Variants in MTRF1 observed in about 807,000 individuals in gnomAD.
MTRF1 encodes peptide chain release factor 1, mitochondrial.
MTRF1 carries 51 observed loss-of-function variants against 62.9 expected under a neutral mutation model. The observed-to-expected ratio is 0.81, with a 90% CI of 0.65 to 1.02. MTRF1 has a LOEUF of 1.02. MTRF1 is among the 50% of genes least tolerant of loss of function. MTRF1 has a pLI of 0.00. For missense variants in MTRF1, 446 were observed against 530.0 expected (o/e 0.84, Z 1.56); for synonymous variants, 158 against 181.9 (o/e 0.87, Z 1.06).
the MTRF1 span, among the ~76,000 whole-genome samples, chr13:41,301,913 G>C: frequency 5.9e-5 from 9 of 152,288 alleles, no homozygotes; most frequent in Non-Finnish European, 1.3e-4. Context: ...TCTCTTCTCT[G>C]GTGGTTGATC....
the MTRF1 span, among the ~76,000 whole-genome samples, chr13:41,282,524 T>G: frequency 1.3e-5 from 2 of 152,202 alleles, no homozygotes; most frequent in South Asian, 4.1e-4. Context: ...TGATCATCAT[T>G]TCCCTAATTT....
At chr13:41,232,058 C>T (rs969808108) in intron 7 of MTRF1, among the ~76,000 whole-genome samples, 1 of 151,584 alleles carries the variant, frequency 6.6e-6, no homozygotes, top group Non-Finnish European at 1.5e-5. Context: ...GGGCAACAGG[C>T]CAAGGCCTTG....
chr13:41,293,347 T>A, the MTRF1 span, among the ~76,000 whole-genome samples: 1 of 152,218 alleles, frequency 6.6e-6, no homozygotes, highest in Non-Finnish European at 1.5e-5. Flanking sequence ...ATAAATAAGA[T>A]GATTTTAAAA....
chr13:41,307,345 G>T, the MTRF1 span, among the ~76,000 whole-genome samples: 1 of 151,972 alleles, frequency 6.6e-6, no homozygotes, highest in Non-Finnish European at 1.5e-5. Context: ...GTGTAGCACC[G>T]CTGGGCATTG....
At chr13:41,249,591 G>A (rs533586050) in intron 5 of MTRF1, among the ~76,000 whole-genome samples, 1 of 128,074 alleles carries the variant, frequency 7.8e-6, no homozygotes, top group African/African-American at 2.9e-5. Context: ...ATGAATAAAG[G>A]TTTATTCTTA....
chr13:41,278,925 A>ATG, the MTRF1 span, among the ~76,000 whole-genome samples: 4 of 152,156 alleles, frequency 2.6e-5, no homozygotes, highest in African/African-American at 9.7e-5. Context: ...ATGCCTTGTT[A>ATG]TACCCTCCTT....
chr13:41,258,834 G>A (rs2040055876), intron 2 of MTRF1, among the ~76,000 whole-genome samples: 1 of 152,038 alleles, frequency 6.6e-6, no homozygotes, highest in African/African-American at 2.4e-5. Flanking sequence ...AAAAAGTGAA[G>A]AGAAAACCAC....
chr13:41,292,294 T>G, the MTRF1 span, among the ~76,000 whole-genome samples: 8 of 152,116 alleles, frequency 5.3e-5, no homozygotes, highest in African/African-American at 1.9e-4. Flanking sequence ...ACATTAAAAA[T>G]TTGACCTTGG....
At chr13:41,294,247 G>A in the MTRF1 span, among the ~76,000 whole-genome samples, 7 of 151,758 alleles carry the variant, frequency 4.6e-5, no homozygotes, top group South Asian at 2.1e-4. Flanking sequence ...GTGAAACCCC[G>A]TCTCTACTAA....
chr13:41,289,329 C>G, the MTRF1 span, among the ~76,000 whole-genome samples: 1 of 151,478 alleles, frequency 6.6e-6, no homozygotes, highest in Non-Finnish European at 1.5e-5. Context: ...CCTCTGCCTC[C>G]TGGGTTCAAG....
rs577452891 is a variant in MTRF1, at chr13:41,222,355, C to T, written c.1224+901G>A. 2.9e-4 allele frequency among the ~76,000 whole-genome samples: 44 copies of T among 152,158 alleles called. No individual in the cohort carries two copies. The South Asian group carries it at 8.7e-3, about 30-fold the overall frequency. On this transcript the variant is annotated intron_variant, in intron 9 of 9. Transcript: ENST00000379480. ...CAAACAATCTTGACCGAGTCTTTTC[C>T]CCAACAGCCTAACTGTAACACCTCA... is the stretch of plus-strand genomic sequence containing the variant.
At chr13:41,296,954 C>T in the MTRF1 span, among the ~76,000 whole-genome samples, 1 of 152,104 alleles carries the variant, frequency 6.6e-6, no homozygotes, top group Non-Finnish European at 1.5e-5. Context: ...TTGAATTCTT[C>T]TCTAAACACA....
chr13:41,285,212 C>A, the MTRF1 span, among the ~76,000 whole-genome samples: 6 of 152,166 alleles, frequency 3.9e-5, no homozygotes, highest in Non-Finnish European at 8.8e-5. Flanking sequence ...TGAAAAAGGA[C>A]AACTCTGGTA....
chr13:41,233,946 C>T lies in MTRF1; in HGVS notation c.932G>A (p.Gly311Glu), dbSNP rs914157640. 39 of 1,614,030 alleles carry T rather than the reference C, an allele frequency of 2.4e-5. No homozygotes were observed. The highest frequency in any genetic ancestry group is 3.3e-5 in the Non-Finnish European group (39 of 1,180,018). ...RIDTFRAKGAGGQHVNKTDSA... is the reference protein window; with the variant it reads ...RIDTFRAKGAEGQHVNKTDSA... The stretch of plus-strand genomic sequence containing the variant: ...ATCAGTTTTATTAACATGCTGCCCT[C>T]CTGCTCCTTTGGCTCGAAATGTATC... The change falls in exon 7 of 10, where the codon GGA (glycine) becomes GAA (glutamate). Residue 311 changes from glycine (G) to glutamate (E), a missense_variant. By Grantham distance (98) the Gly-to-Glu change is moderately conservative. Coordinates refer to ENST00000379480, the MANE Select transcript of MTRF1 (RefSeq NM_004294.4).
chr13:41,232,034 C>T (rs1487504493), intron 7 of MTRF1, among the ~76,000 whole-genome samples: 1 of 152,010 alleles, frequency 6.6e-6, no homozygotes, highest in Non-Finnish European at 1.5e-5. Flanking sequence ...GATCACACCA[C>T]TGTACTCCAG....
intron 9 of MTRF1, chr13:41,220,582 T>A: frequency 2.3e-6 from 3 of 1,288,776 alleles, no homozygotes; most frequent in Non-Finnish European, 3.0e-6. Flanking sequence ...TCTCACAGAA[T>A]CCAAGGATAG....
chr13:41,245,670 A>G (rs2038150425), intron 5 of MTRF1, among the ~76,000 whole-genome samples: 1 of 152,072 alleles, frequency 6.6e-6, no homozygotes, highest in Non-Finnish European at 1.5e-5. Flanking sequence ...GTCTCATAAA[A>G]CTTTGTATGG....
chr13:41,259,988 C>T (rs532145339), intron 2 of MTRF1, among the ~76,000 whole-genome samples: 2 of 152,142 alleles, frequency 1.3e-5, no homozygotes, highest in Non-Finnish European at 2.9e-5. Context: ...AAGGTCTGCT[C>T]AATAAAATAA....
the MTRF1 span, among the ~76,000 whole-genome samples, chr13:41,275,262 G>A: frequency 1.3e-5 from 2 of 151,196 alleles, no homozygotes; most frequent in African/African-American, 2.4e-5. Context: ...GTGCTGTGGC[G>A]CGATCTCAGC....
Sources: allele counts gnomAD v4.1 joint callset (sites outside exome capture counted in the v4.1 genomes callset), GRCh38; gene constraint gnomAD v4.1.1; transcripts MANE v1.5; gene names NCBI Gene and HGNC (gene_info 2026-07-23, HGNC 2026-07-21).